The following HEXB variants were observed in gnomAD, a reference collection of about 807,000 sequenced individuals.
The protein encoded by HEXB is hexosaminidase subunit beta, also known as beta-hexosaminidase subunit beta.
HEXB carries 51 observed loss-of-function variants against 71.2 expected under a neutral mutation model. That is an observed-to-expected ratio of 0.72 (90% CI 0.57 to 0.90). HEXB has a LOEUF of 0.90. HEXB is among the 40% of genes least tolerant of loss of function. HEXB has a pLI of 0.00. For missense variants in HEXB, 617 were observed against 677.0 expected (o/e 0.91, Z 0.98); for synonymous variants, 266 against 249.3 (o/e 1.07, Z -0.63).
chr5:74,693,810 A>T lies in HEXB; in HGVS notation c.511+106A>T, dbSNP rs997611086. ...AACTTTGCCGCCTTAGATCCTTTACAGAATGCTTTGTTATGTAGTTCCAAA... is the reference window on the plus strand; with the variant it reads ...AACTTTGCCGCCTTAGATCCTTTACTGAATGCTTTGTTATGTAGTTCCAAA... On this transcript the variant is annotated intron_variant, in intron 3 of 13. Transcript: ENST00000261416. The T allele has an allele frequency of 2.5e-5, 20 of 811,580 alleles. No individual in the cohort carries two copies. In the African/African-American group the frequency reaches 2.7e-4, roughly 11 times the overall value. 50.3% of individuals were successfully genotyped at this position (811,580 alleles called of 1,614,324 possible). A position where few individuals can be genotyped will look rare whatever the true frequency, so the allele number is the denominator to read the frequency against.
At chr5:74,683,821 C>CT (rs35751282), upstream of HEXB, among the ~76,000 whole-genome samples, 1,858 of 135,782 alleles carry the variant, frequency 0.014, 92 homozygotes, top group Admixed American at 0.1. Context: ...TCTTTTCTTT[C>CT]TTTTTTTTTT....
intron 1 of HEXB, among the ~76,000 whole-genome samples, chr5:74,670,588 C>T (rs1399321496): frequency 2.6e-5 from 4 of 152,180 alleles, no homozygotes; most frequent in African/African-American, 9.6e-5. Flanking sequence ...AAGCCAGCCC[C>T]CAGAGCTGCC....
Position 74,646,501 on chromosome 5 carries a change from T to C in HEXB, c.-377+5943T>C, listed in dbSNP as rs149252775. ...TGCCTTTGCCTTTTCCCATCTGTTA[T>C]TGATACTGTCTTCCTGTTTTGTACT... On this transcript the variant is annotated intron_variant, in intron 1 of 13. Transcript: ENST00000511181. Among the ~76,000 whole-genome samples the C allele has an allele frequency of 8.5e-5, 13 of 152,262 alleles. 1 individual carries two copies. The East Asian group carries it at 2.5e-3, about 29-fold the overall frequency.
chr5:74,689,213 G>T, intron 1 of HEXB, 115 bp from the exon 2 acceptor site: 2 of 824,154 alleles, frequency 2.4e-6, no homozygotes, highest in South Asian at 2.8e-5. Context: ...TCTCTAGTTG[G>T]ACTTACAATG....
intron 6 of HEXB, among the ~76,000 whole-genome samples, chr5:74,708,093 C>T (rs1263295537): frequency 7.9e-5 from 12 of 152,130 alleles, no homozygotes; most frequent in Admixed American, 5.2e-4. Context: ...GCGGATCTCT[C>T]GGCAGAAACT....
In HEXB at chr5:74,671,261, G is replaced by A. The variant is rs557390614; in HGVS notation, c.-376-18067G>A. ...CAGACCTTACGTCCACTGAACCCTT[G>A]AGTACTGGAAACAACCCAAAGGTCC... On this transcript the variant is annotated intron_variant, in intron 1 of 13. Transcript: ENST00000511181. Among the ~76,000 whole-genome samples, 46 of 152,170 alleles carry A rather than the reference G, an allele frequency of 3.0e-4. No homozygotes were observed. In the South Asian group the frequency reaches 5.4e-3, roughly 18 times the overall value.
intron 1 of HEXB, among the ~76,000 whole-genome samples, chr5:74,669,055 G>A (rs563227291): frequency 3.9e-5 from 6 of 152,092 alleles, no homozygotes; most frequent in Admixed American, 2.0e-4. Flanking sequence ...TCTGCCTCCC[G>A]GGTTCAAGCA....
At chr5:74,668,230 TTGTGTGTGTGTGTG>T (rs34727155) in intron 1 of HEXB, among the ~76,000 whole-genome samples, 2 of 148,580 alleles carry the variant, frequency 1.3e-5, no homozygotes, top group Admixed American at 1.3e-4. Context: ...TTTGTTTTGT[TTGTGTGTGTGTGTG>T]TGTGTGTGTG....
At chr5:74,710,066 G>A (rs902347047) in intron 6 of HEXB, among the ~76,000 whole-genome samples, 4 of 152,098 alleles carry the variant, frequency 2.6e-5, no homozygotes, top group African/African-American at 9.7e-5. Flanking sequence ...AAATCCAGCA[G>A]CACATCAAAA....
chr5:74,708,750 A>AAT (rs1280717433), intron 6 of HEXB, among the ~76,000 whole-genome samples: 3 of 150,852 alleles, frequency 2.0e-5, no homozygotes, highest in African/African-American at 7.3e-5. Flanking sequence ...AACTATCCTA[A>AAT]ATATATATGC....
Position 74,704,377 on chromosome 5 carries a change from A to G in HEXB, c.670-842A>G, listed in dbSNP as rs146120580. On this transcript the variant is annotated intron_variant, in intron 5 of 13. Transcript: ENST00000261416. ...CAAATCTTCTCCCTTATTGTTTTTCATCTTTTAAAAATAGTGTTTATATTT... is the reference window on the plus strand; with the variant it reads ...CAAATCTTCTCCCTTATTGTTTTTCGTCTTTTAAAAATAGTGTTTATATTT... Among the ~76,000 whole-genome samples, 635 of 151,878 alleles carry G rather than the reference A, an allele frequency of 4.2e-3. 1 individual carries two copies. The highest frequency in any genetic ancestry group is 6.5e-3 in the Non-Finnish European group (441 of 67,918).
chr5:74,653,853 T>TCTA (rs1476184372), intron 1 of HEXB, among the ~76,000 whole-genome samples: 3 of 152,048 alleles, frequency 2.0e-5, no homozygotes, highest in Non-Finnish European at 4.4e-5. Context: ...ATGTGTCTGG[T>TCTA]TATAGAGGTC....
chr5:74,718,824 T>C lies in HEXB; in HGVS notation c.1270T>C (p.Trp424Arg). 1 of 1,614,194 alleles carries C rather than the reference T, an allele frequency of 6.2e-7. No homozygotes were observed. The highest frequency in any genetic ancestry group is 8.5e-7 in the Non-Finnish European group (1 of 1,180,028). Residue 424 changes from tryptophan (W) to arginine (R), a missense_variant, in exon 11 of 14, where the codon TGG becomes CGG. Physicochemically the swap from Trp to Arg is moderately radical, Grantham distance 101. Transcript: ENST00000261416. ...TGCGCCGGGCACAATAGTTGAAGTA[T>C]GGAAAGACAGCGCATATCCTGAGGA... ...KLAPGTIVEVWKDSAYPEELS... is the reference protein window; with the variant it reads ...KLAPGTIVEVRKDSAYPEELS...
chr5:74,648,621 G>A (rs896281014), intron 1 of HEXB, among the ~76,000 whole-genome samples: 5 of 152,168 alleles, frequency 3.3e-5, no homozygotes, highest in African/African-American at 1.2e-4. Context: ...CCTCTTCTAG[G>A]ACACTTGTTG....
intron 6 of HEXB, among the ~76,000 whole-genome samples, chr5:74,709,804 A>G (rs569002023): frequency 5.1e-4 from 77 of 152,368 alleles, no homozygotes; most frequent in Admixed American, 1.1e-3. Context: ...TCAATAGCTT[A>G]TCAACCAAAG....
rs377460445 is a variant in HEXB, at chr5:74,653,224, G to A, written c.-377+12666G>A. ...CTTCAAGTACCATGACTCACATTACGTCAATAATTTTTTAAAGTAATTTTT... is the reference window on the plus strand; with the variant it reads ...CTTCAAGTACCATGACTCACATTACATCAATAATTTTTTAAAGTAATTTTT... On this transcript the variant is annotated intron_variant, in intron 1 of 13. Coordinates refer to the HEXB transcript ENST00000511181. Among the ~76,000 whole-genome samples, 63 of 152,174 alleles carry A rather than the reference G, an allele frequency of 4.1e-4. 1 individual carries two copies. The highest frequency in any genetic ancestry group is 1.5e-3 in the Admixed American group (23 of 15,290).
At chr5:74,665,640 A>C (rs1247194553) in intron 1 of HEXB, among the ~76,000 whole-genome samples, 3 of 152,262 alleles carry the variant, frequency 2.0e-5, no homozygotes, top group Non-Finnish European at 4.4e-5. Flanking sequence ...GTTTGATGAA[A>C]TCATATCTTC....
At position 74,644,289 on chromosome 5, in the gene HEXB, A is replaced by G. The variant is rs180796810; in HGVS notation, c.-377+3731A>G. ...GGCAAGAAGGCTTTTATAGGGCTAC[A>G]TCACCCAGTTGCTGAATGCAGCTTG... On this transcript the variant is annotated intron_variant, in intron 1 of 13. Transcript: ENST00000511181. Among the ~76,000 whole-genome samples the G allele has an allele frequency of 5.3e-5, 8 of 152,342 alleles. No individual in the cohort carries two copies. In the South Asian group the frequency reaches 1.2e-3, roughly 24 times the overall value.
chr5:74,697,514 T>G (rs1267850104), intron 5 of HEXB, among the ~76,000 whole-genome samples: 1 of 152,052 alleles, frequency 6.6e-6, no homozygotes, highest in Non-Finnish European at 1.5e-5. Context: ...TCACCTGAGG[T>G]CAGGAGTTCG....
Sources: gnomAD v4.1 joint callset for allele counts (sites outside exome capture counted in the v4.1 genomes callset) on GRCh38, gnomAD v4.1.1 for gene constraint, MANE v1.5 for transcripts, NCBI Gene and HGNC (gene_info 2026-07-23, HGNC 2026-07-21) for gene names.